Variants in LRRC69 observed in about 807,000 individuals in gnomAD.
LRRC69 encodes leucine rich repeat containing 69.
In LRRC69, 42 loss-of-function variants were observed where a neutral mutation model predicts 37.8. The observed-to-expected ratio is 1.11, with a 90% CI of 0.87 to 1.44. LRRC69 has a LOEUF of 1.44. Among genes scored for constraint, LRRC69 ranks in the 40% most tolerant of loss-of-function variants. The probability of loss-of-function intolerance (pLI) is 0.00; values close to 1 mark genes in which losing one functional copy is unlikely to be tolerated. For synonymous variants in LRRC69, 141 were observed against 143.1 expected (o/e 0.99, Z 0.11); for missense variants, 357 against 401.9 (o/e 0.89, Z 0.96).
At chr8:91,200,866 T>C (rs1486212878) in intron 7 of LRRC69, 74 bp downstream of exon 7, 2 of 1,329,024 alleles carry the variant, frequency 1.5e-6, no homozygotes, top group African/African-American at 3.1e-5. Context: ...AATCAGTTAA[T>C]ACTAACTAGA....
At chr8:91,182,018 A>G (rs1418851248) in intron 5 of LRRC69, among the ~76,000 whole-genome samples, 2 of 152,204 alleles carry the variant, frequency 1.3e-5, no homozygotes, top group African/African-American at 4.8e-5. Flanking sequence ...ATTGACAGGC[A>G]CATTTTTCTT....
At chr8:91,215,268 A>G (rs1379302231) in intron 7 of LRRC69, among the ~76,000 whole-genome samples, 1 of 152,204 alleles carries the variant, frequency 6.6e-6, no homozygotes, top group Non-Finnish European at 1.5e-5. Context: ...CTGAGAAAAC[A>G]GGAAACCATC....
chr8:91,178,158 T>C (rs536096247), intron 5 of LRRC69, among the ~76,000 whole-genome samples: 99 of 152,248 alleles, frequency 6.5e-4, no homozygotes, highest in Non-Finnish European at 1.3e-3. Flanking sequence ...TGTTTTCTGC[T>C]TTTCAACTCC....
chr8:91,147,252 T>A (rs1160640027), intron 5 of LRRC69, among the ~76,000 whole-genome samples: 6 of 99,388 alleles, frequency 6.0e-5, no homozygotes, highest in African/African-American at 8.7e-5. Flanking sequence ...AAACATATAA[T>A]ATATATTATA....
At position 91,140,676 on chromosome 8, in the gene LRRC69, C is replaced by T. The variant is rs1808517680; in HGVS notation, c.651+4937C>T. Among the ~76,000 whole-genome samples the T allele has an allele frequency of 2.4e-4, 2 of 8,338 alleles. 1 individual carries two copies. Among genetic ancestry groups the T allele is most frequent in the South Asian group, 9.4e-3 (2 of 212 alleles). The allele number at this position is 8,338 out of a possible 152,430, so 5.5% of individuals were successfully genotyped here. A position where few individuals can be genotyped will look rare whatever the true frequency, so the allele number is the denominator to read the frequency against. The stretch of plus-strand genomic sequence containing the variant: ...TTTTTTTTTTTTTTTTTTTTTGAGA[C>T]GGAGTCTCGCTCTGTCGCCCAGGCT... On this transcript the variant is annotated intron_variant, in intron 5 of 7. Transcript: ENST00000448384.
intron 5 of LRRC69, chr8:91,158,651 A>C: frequency 7.3e-7 from 1 of 1,374,236 alleles, no homozygotes; most frequent in South Asian, 1.2e-5. Flanking sequence ...TTCCAAGAAC[A>C]CCTGGAATTT....
rs569282223 is a variant in LRRC69 at position 91,143,781 on chromosome 8, A to T, written c.651+8042A>T. ...CAGTTTCCTCTTTTACAGTATGAGA[A>T]ACACAGGAGGAAAAAAAAATGGAAG... On this transcript the variant is annotated intron_variant, in intron 5 of 7. Coordinates refer to ENST00000448384, the Ensembl canonical transcript of LRRC69. Among the ~76,000 whole-genome samples the T allele has an allele frequency of 1.1e-3, 172 of 152,134 alleles. 1 individual carries two copies. Among genetic ancestry groups the T allele is most frequent in the Middle Eastern group, 6.8e-3 (2 of 294 alleles).
At chr8:91,157,168 T>C (rs1808850346) in intron 5 of LRRC69, 2 of 752,470 alleles carry the variant, frequency 2.7e-6, no homozygotes, top group African/African-American at 1.7e-5. Flanking sequence ...CATTGGTATT[T>C]TGATAGGGAT....
intron 5 of LRRC69, among the ~76,000 whole-genome samples, chr8:91,168,575 CT>C (rs1809070160): frequency 2.6e-5 from 4 of 151,910 alleles, no homozygotes; most frequent in Admixed American, 2.0e-4. Context: ...CCATTTGGGA[CT>C]GTAAAGTGCA....
chr8:91,142,726 A>T (rs1808551491), intron 5 of LRRC69, among the ~76,000 whole-genome samples: 1 of 152,014 alleles, frequency 6.6e-6, no homozygotes, highest in African/African-American at 2.4e-5. Flanking sequence ...GGCCTAAATG[A>T]TGGAACAGTG....
chr8:91,114,060 G>A (rs1170475937), intron 1 of LRRC69, among the ~76,000 whole-genome samples: 3 of 149,716 alleles, frequency 2.0e-5, no homozygotes, highest in Admixed American at 6.7e-5. Context: ...TATATGAAAA[G>A]GTACTCAACT....
intron 6 of LRRC69, among the ~76,000 whole-genome samples, chr8:91,193,002 T>C (rs1809528266): frequency 6.6e-6 from 1 of 152,008 alleles, no homozygotes; most frequent in Non-Finnish European, 1.5e-5. Context: ...AAGTCTTTAA[T>C]CCATCTTGAA....
intron 1 of LRRC69, among the ~76,000 whole-genome samples, chr8:91,105,980 C>T (rs187390648): frequency 1.3e-5 from 2 of 151,928 alleles, no homozygotes; most frequent in East Asian, 1.9e-4. Context: ...CAAAATAGGG[C>T]GTGAGGCGGT....
chr8:91,127,223 C>A, intron 3 of LRRC69, 63 bp downstream of exon 3: 1 of 1,169,250 alleles, frequency 8.6e-7, no homozygotes, highest in South Asian at 1.4e-5. Flanking sequence ...CCACCCTGGT[C>A]ATTTGAAAGC....
At chr8:91,219,087 C>T (rs73697151), downstream of LRRC69, 4,944 of 558,886 alleles carry the variant, frequency 8.8e-3, 214 homozygotes, top group African/African-American at 0.083. Context: ...AGATACCATG[C>T]CTGTTCTCTT....
chr8:91,105,020 CTGTT>C (rs770547114), intron 1 of LRRC69, among the ~76,000 whole-genome samples: 11 of 151,974 alleles, frequency 7.2e-5, no homozygotes, highest in Non-Finnish European at 1.3e-4. Context: ...GTGTTGACTT[CTGTT>C]TGTTCACTCT....
intron 1 of LRRC69, among the ~76,000 whole-genome samples, chr8:91,110,190 CTCT>C (rs1202519154): frequency 2.0e-5 from 3 of 152,034 alleles, no homozygotes; most frequent in African/African-American, 7.2e-5. Context: ...TAAAGATTCA[CTCT>C]TCTTAAGGAA....
At chr8:91,185,920 C>G (rs1431370876) in intron 5 of LRRC69, among the ~76,000 whole-genome samples, 1 of 152,154 alleles carries the variant, frequency 6.6e-6, no homozygotes, top group African/African-American at 2.4e-5. Context: ...AGCTTCCTCC[C>G]TCACCCCCAG....
chr8:91,146,523 A>G, intron 5 of LRRC69, among the ~76,000 whole-genome samples: 1 of 92,978 alleles, frequency 1.1e-5, no homozygotes, highest in South Asian at 3.9e-4. Context: ...ATTGATTTTC[A>G]TTTAGATGAT....
Sources: gnomAD v4.1 joint callset for allele counts (sites outside exome capture counted in the v4.1 genomes callset) on GRCh38, gnomAD v4.1.1 for gene constraint, MANE v1.5 for transcripts, NCBI Gene and HGNC (gene_info 2026-07-23, HGNC 2026-07-21) for gene names.